DDX54: variants seen among roughly 807,000 people sequenced by gnomAD.
DDX54 encodes the protein DEAD-box helicase 54.
In DDX54, 67 loss-of-function variants were observed where a neutral mutation model predicts 105.5. The observed-to-expected ratio is 0.64, with a 90% CI of 0.52 to 0.78. The LOEUF (loss-of-function observed/expected upper bound fraction) is 0.78. DDX54 is among the 30% of genes least tolerant of loss of function. The probability of loss-of-function intolerance (pLI) is 0.00; values close to 1 mark genes in which losing one functional copy is unlikely to be tolerated. For synonymous variants in DDX54, 514 were observed against 509.9 expected, an observed-to-expected ratio of 1.01 and a Z score of -0.11; for missense variants, 1,206 against 1,230.5, an observed-to-expected ratio of 0.98 and a Z score of 0.30.
intron 11 of DDX54, among the ~76,000 whole-genome samples, chr12:113,171,242 C>G (rs1441309419): frequency 1.3e-5 from 2 of 152,174 alleles, no homozygotes; most frequent in Non-Finnish European, 2.9e-5. Context: ...ATAACAGTTA[C>G]CAGGGGCTGC....
chr12:113,174,571 CT>C (rs1227242275), intron 10 of DDX54, 68 bp downstream of exon 10: 7 of 1,573,060 alleles, frequency 4.4e-6, no homozygotes, highest in Non-Finnish European at 6.1e-6. Flanking sequence ...CCTCTAGTGA[CT>C]GCACAGGGAA....
chr12:113,177,376 G>C (rs182738060), intron 5 of DDX54: 1 of 383,282 alleles, frequency 2.6e-6, no homozygotes, highest in Admixed American at 4.2e-5. Context: ...TAGCAACAAA[G>C]CTGCCTTCCA....
At chr12:113,161,537 T>C (rs1454495019) in intron 18 of DDX54, 155 bp from the exon 19 acceptor site, 5 of 609,420 alleles carry the variant, frequency 8.2e-6, no homozygotes, top group African/African-American at 3.9e-5. Context: ...TTGGAGATGC[T>C]GTTGCTGAAG....
chr12:113,177,806 C>G (rs1011072420), intron 5 of DDX54, among the ~76,000 whole-genome samples: 2 of 152,190 alleles, frequency 1.3e-5, no homozygotes, highest in Admixed American at 6.5e-5. Context: ...TAACCTGTCA[C>G]TTCCTCACTT....
chr12:113,158,975 G>T lies in DDX54; in HGVS notation c.2548C>A (p.Leu850Ile), dbSNP rs1360402365. 5 of 1,611,316 alleles carry T rather than the reference G, an allele frequency of 3.1e-6. No homozygotes were observed. The highest frequency in any genetic ancestry group is 3.4e-6 in the Non-Finnish European group (4 of 1,179,120). ...ACGCGGCGGCGGTTGCGGGCAGAGA[G>T]CTGCTTGAGGCCACCACGCTGCAGG... ...HFLQRGGLKQ[L>I]SARNRRRVQE... Residue 850 changes from leucine (L) to isoleucine (I), a missense_variant, in exon 20 of 20, where the codon CTC (leucine) becomes ATC (isoleucine). Leu to Ile is a conservative substitution (Grantham distance 5). Transcript: ENST00000306014. This position sits in a 1 kb window ranked among gnomAD's most constrained non-coding sequence, Gnocchi z 4.9.
chr12:113,158,832 C>A lies in DDX54; in HGVS notation c.*45G>T. The A allele has an allele frequency of 6.5e-7, 1 of 1,536,010 alleles. No individual in the cohort carries two copies. Among genetic ancestry groups the A allele is most frequent in the Non-Finnish European group, 8.8e-7 (1 of 1,135,772 alleles). ...GGTGCACGGGAACGTCTGCTGATGC[C>A]CACCCTAAGGCCAATCAAGGAGCCA... On this transcript the variant is annotated 3_prime_UTR_variant, in exon 20 of 20. Transcript: ENST00000306014. The surrounding 1 kb of genome is among the most constrained non-coding windows in gnomAD (Gnocchi z 4.9).
Position 113,165,658 on chromosome 12 carries a change from A to T in DDX54, c.1705T>A (p.Tyr569Asn). The T allele has an allele frequency of 6.2e-7, 1 of 1,611,114 alleles. No individual in the cohort carries two copies. Among genetic ancestry groups the T allele is most frequent in the Non-Finnish European group, 8.5e-7 (1 of 1,178,066 alleles). The stretch of plus-strand genomic sequence containing the variant: ...GCCCCACTCACCGCCCGGGAGCGGT[A>T]GTTCTTTATGCTGTCCACCAGCCTC... ...RLRLVDSIKN[Y>N]RSRATIFEIN... The change falls in exon 14 of 20, where the codon TAC becomes AAC. Residue 569 changes from tyrosine (Y) to asparagine (N), a missense_variant. Physicochemically the swap from Tyr to Asn is moderately radical, Grantham distance 143. Around this residue, in one of 3 missense-constraint regions of DDX54, gnomAD observed 961 missense variants for 1,019.1 expected, o/e 0.94. Coordinates refer to ENST00000306014, the MANE Select transcript of DDX54 (RefSeq NM_024072.4).
In DDX54 at chr12:113,161,785, G is replaced by GCCCCCCCCCC; in HGVS notation, c.2300+107_2300+108insGGGGGGGGGG. ...GCGGCTGCTTAAGCCGCTCAGCCCC[G>GCCCCCCCCCC]CCCCCTCCTCCCCGCCCCCGCCCCC... On this transcript the variant is annotated intron_variant, in intron 18 of 19. Coordinates refer to ENST00000306014, the MANE Select transcript of DDX54 (RefSeq NM_024072.4). The GCCCCCCCCCC allele has an allele frequency of 5.1e-5, 6 of 117,046 alleles. 1 individual carries two copies. The highest frequency in any genetic ancestry group is 1.7e-4 in the South Asian group (3 of 18,078). The allele number at this position is 117,046 out of a possible 1,614,324, so 7.3% of individuals were successfully genotyped here.
intron 19 of DDX54, among the ~76,000 whole-genome samples, chr12:113,159,577 C>T (rs919294431): frequency 6.6e-6 from 1 of 152,136 alleles, no homozygotes; most frequent in South Asian, 2.1e-4. Context: ...TCTGAGGCCC[C>T]CCATAGTAAC....
intron 12 of DDX54, chr12:113,167,811 T>C: frequency 3.0e-6 from 1 of 334,176 alleles, no homozygotes; most frequent in East Asian, 1.0e-4. Context: ...CATGCACAGC[T>C]CTCAACCCAG....
At chr12:113,175,310 A>G (rs1339516080) in intron 7 of DDX54, among the ~76,000 whole-genome samples, 153 bp from the exon 8 acceptor site, 3 of 152,134 alleles carry the variant, frequency 2.0e-5, no homozygotes, top group Non-Finnish European at 4.4e-5. Flanking sequence ...ACTTCATCCT[A>G]AACAACAATA....
Position 113,172,387 on chromosome 12 carries a change from G to A in DDX54, c.1245C>T (p.Phe415=). ...PLLDNVINYS[F]PAKGKLFLHR... ...GCAGGAAGAGTTTGCCCTTGGCGGG[G>A]AAGCTGTAGTTGATGACATTGTCCA... The change falls in exon 11 of 20, where the codon TTC becomes TTT. Residue 415 remains phenylalanine (F), a synonymous_variant. Transcript: ENST00000306014. The A allele has an allele frequency of 6.2e-7, 1 of 1,614,218 alleles. No individual in the cohort carries two copies. The highest frequency in any genetic ancestry group is 8.5e-7 in the Non-Finnish European group (1 of 1,180,030).
In DDX54 at chr12:113,175,165, G is replaced by T; in HGVS notation, c.753-8C>A. 1.2e-6 allele frequency: 2 copies of T among 1,601,176 alleles called. No homozygotes were observed. ...AAACCCATTTCAAAAAGCCTGGAAG[G>T]GTAGAGGGCAGGACTGGGTCAGAGG... On this transcript the variant is annotated splice_region_variant and splice_polypyrimidine_tract_variant and intron_variant, in intron 7 of 19. Coordinates refer to ENST00000306014, the MANE Select transcript of DDX54 (RefSeq NM_024072.4).
intron 6 of DDX54, 38 bp from the exon 7 acceptor site, chr12:113,176,973 AG>A (rs1176747769): frequency 2.5e-6 from 4 of 1,613,608 alleles, no homozygotes; most frequent in Non-Finnish European, 2.5e-6. Flanking sequence ...CCCCAGGGCC[AG>A]GGCCACCACC....
chr12:113,157,698 G>A lies in DDX54; in HGVS notation c.*1179C>T, dbSNP rs1427589680. The stretch of plus-strand genomic sequence containing the variant: ...CTCCTAGCCCTGACACAGGTGAGCA[G>A]CGGGAGAGGGAACCCCTGAGAGACC... On this transcript the variant is annotated 3_prime_UTR_variant, in exon 20 of 20. Transcript: ENST00000306014. The A allele has an allele frequency of 1.3e-6, 2 of 1,547,738 alleles. No homozygotes were observed. Among genetic ancestry groups the A allele is most frequent in the Admixed American group, 2.0e-5 (1 of 50,964 alleles).
chr12:113,178,569 G>A (rs534188475), intron 5 of DDX54: 1 of 156,800 alleles, frequency 6.4e-6, no homozygotes, highest in African/African-American at 2.4e-5. Flanking sequence ...TGAGATTGGA[G>A]TCTCGCGCTG....
intron 12 of DDX54, among the ~76,000 whole-genome samples, chr12:113,168,497 C>G (rs1318865866): frequency 1.3e-5 from 2 of 152,242 alleles, no homozygotes; most frequent in African/African-American, 4.8e-5. Flanking sequence ...CACAGATGGA[C>G]AAATGAGACA....
chr12:113,168,212 A>G (rs1184623963), intron 12 of DDX54, among the ~76,000 whole-genome samples: 2 of 152,162 alleles, frequency 1.3e-5, no homozygotes, highest in Non-Finnish European at 2.9e-5. Context: ...CCACATGGTC[A>G]CCTGAGGGGG....
intron 11 of DDX54, among the ~76,000 whole-genome samples, chr12:113,171,027 AT>A (rs1338765161): frequency 6.6e-6 from 1 of 152,088 alleles, no homozygotes; most frequent in African/African-American, 2.4e-5. Flanking sequence ...ACATTTGGAG[AT>A]TTCATTTGAG....
Sources: allele counts gnomAD v4.1 joint callset (sites outside exome capture counted in the v4.1 genomes callset), GRCh38; gene constraint gnomAD v4.1.1; regional missense constraint gnomAD v4.1.1; non-coding constraint Gnocchi (gnomAD v3.1); transcripts MANE v1.5; gene names NCBI Gene and HGNC (gene_info 2026-07-23, HGNC 2026-07-21).